Variants in CERS5 observed in about 807,000 individuals in gnomAD.
The protein encoded by CERS5 is ceramide synthase 5, also known as LAG1 homolog, ceramide synthase 5.
In CERS5, 37 loss-of-function variants were observed where a neutral mutation model predicts 58.9. That is an observed-to-expected ratio of 0.63 (90% CI 0.48 to 0.83). CERS5 has a LOEUF of 0.83. Ranked by LOEUF, CERS5 falls within the 40% of genes least tolerant of loss-of-function variation. CERS5 has a pLI of 0.00. For missense variants in CERS5, 398 were observed against 489.3 expected (o/e 0.81, Z 1.76); for synonymous variants, 147 against 177.8 (o/e 0.83, Z 1.38).
At chr12:50,133,267 A>G in intron 9 of CERS5, 1 of 1,108,588 alleles carries the variant, frequency 9.0e-7, no homozygotes, top group Non-Finnish European at 1.1e-6. Flanking sequence ...GGGATTCTGT[A>G]TTCCTTTAGG....
At chr12:50,158,269 C>T (rs1938881748) in intron 1 of CERS5, among the ~76,000 whole-genome samples, 3 of 152,204 alleles carry the variant, frequency 2.0e-5, no homozygotes, top group Admixed American at 6.5e-5. Flanking sequence ...GATAATTATA[C>T]AACTTAATGC....
chr12:50,133,041 T>A, intron 9 of CERS5: 1 of 1,289,028 alleles, frequency 7.8e-7, no homozygotes, highest in Non-Finnish European at 1.0e-6. Flanking sequence ...GAGTACAGGG[T>A]CTAATCCTTC....
Position 50,136,051 on chromosome 12 carries a change from C to A in CERS5, c.655G>T (p.Val219Leu). ...AGCCCAATGGTGACCAAGTGATGCA[C>A]AAACATGATCAGGAAGTCCTAGGAA... ...IKRKDFLIMFVHHLVTIGLIS... is the reference protein window; with the variant it reads ...IKRKDFLIMFLHHLVTIGLIS... The change falls in exon 7 of 10, where the codon GTG (valine) becomes TTG (leucine). Residue 219 changes from valine (V) to leucine (L), a missense_variant. By Grantham distance (32) the Val-to-Leu change is conservative. Transcript: ENST00000317551. 1 of 1,497,666 alleles carries A rather than the reference C, an allele frequency of 6.7e-7. No individual in the cohort carries two copies. Among genetic ancestry groups the A allele is most frequent in the Non-Finnish European group, 8.9e-7 (1 of 1,126,412 alleles). 92.8% of individuals were successfully genotyped at this position (1,497,666 alleles called of 1,614,324 possible).
intron 1 of CERS5, 129 bp downstream of exon 1, chr12:50,166,972 G>T: frequency 1.3e-6 from 1 of 751,774 alleles, no homozygotes; most frequent in African/African-American, 1.9e-5. Flanking sequence ...CACCCGCCGC[G>T]GCCCAAGCTC....
intron 1 of CERS5, among the ~76,000 whole-genome samples, chr12:50,156,863 G>A (rs924451675): frequency 6.6e-6 from 1 of 152,118 alleles, no homozygotes; most frequent in Non-Finnish European, 1.5e-5. Flanking sequence ...AGTGACATCA[G>A]CCCTGTGAAT....
chr12:50,130,480 C>A lies in CERS5; in HGVS notation c.*65G>T. On this transcript the variant is annotated 3_prime_UTR_variant, in exon 10 of 10. Transcript: ENST00000317551. The stretch of plus-strand genomic sequence containing the variant: ...ACAGAAGAGTAGATATGGGAAGGGC[C>A]AAGAGGAGTATGTTGCCAGTGGCCC... 1 of 1,426,958 alleles carries A rather than the reference C, an allele frequency of 7.0e-7. No individual in the cohort carries two copies. 88.4% of individuals were successfully genotyped at this position (1,426,958 alleles called of 1,614,324 possible).
At chr12:50,153,525 A>G (rs945212047) in intron 1 of CERS5, among the ~76,000 whole-genome samples, 3 of 151,230 alleles carry the variant, frequency 2.0e-5, no homozygotes, top group African/African-American at 4.9e-5. Context: ...TGATGCGCCC[A>G]CCTCGGCCTC....
chr12:50,143,745 C>A (rs904348408), intron 2 of CERS5: 1 of 492,096 alleles, frequency 2.0e-6, no homozygotes, highest in Non-Finnish European at 3.7e-6. Flanking sequence ...AAAACTCAAA[C>A]CTACTACGTA....
At chr12:50,133,115 C>CAAGA (rs1951429418) in intron 9 of CERS5, 1 of 1,277,594 alleles carries the variant, frequency 7.8e-7, no homozygotes, top group East Asian at 5.6e-5. Context: ...GTAGCTACAG[C>CAAGA]AAGATGCACA....
intron 1 of CERS5, among the ~76,000 whole-genome samples, chr12:50,151,669 T>C (rs1937974085): frequency 6.6e-6 from 1 of 152,202 alleles, no homozygotes; most frequent in Non-Finnish European, 1.5e-5. Flanking sequence ...AACACCCACT[T>C]TGAGATGGAG....
intron 9 of CERS5, among the ~76,000 whole-genome samples, chr12:50,131,593 A>G (rs944040924): frequency 6.7e-6 from 1 of 149,868 alleles, no homozygotes; most frequent in African/African-American, 2.5e-5. Flanking sequence ...AAAAAAAGAA[A>G]CTTCAGCATC....
chr12:50,156,438 A>ATATATATATAT (rs1555198356), intron 1 of CERS5, among the ~76,000 whole-genome samples: 32 of 123,256 alleles, frequency 2.6e-4, no homozygotes, highest in South Asian at 7.2e-4. Flanking sequence ...ATATATATAT[A>ATATATATATAT]AAACAATTAG....
rs76170751 is a variant in CERS5 at position 50,130,356 on chromosome 12, A to C, written c.*189T>G. On this transcript the variant is annotated 3_prime_UTR_variant, in exon 10 of 10. Transcript: ENST00000317551. The stretch of plus-strand genomic sequence containing the variant: ...ACACACAGAGCAAATAACATTACTG[A>C]AAGAACCTGGAGGCTATTAAATACA... The C allele has an allele frequency of 0.011, 5,289 of 480,918 alleles. 151 individuals are homozygous for C. Among genetic ancestry groups the C allele is most frequent in the Admixed American group, 0.07 (1,974 of 28,144 alleles). 29.8% of individuals were successfully genotyped at this position (480,918 alleles called of 1,614,324 possible).
chr12:50,159,177 C>T (rs746143290), intron 1 of CERS5, among the ~76,000 whole-genome samples: 1 of 151,908 alleles, frequency 6.6e-6, no homozygotes, highest in Non-Finnish European at 1.5e-5. Context: ...AAAAATTAGC[C>T]GGGTGTGGTG....
chr12:50,146,958 C>T (rs1952315949), intron 1 of CERS5, among the ~76,000 whole-genome samples: 1 of 150,974 alleles, frequency 6.6e-6, no homozygotes, highest in Non-Finnish European at 1.5e-5. Context: ...ATAATCTTTT[C>T]TAATTTGTGA....
At chr12:50,134,446 T>C (rs1951515948) in intron 9 of CERS5, 100 bp downstream of exon 9, 1 of 1,609,238 alleles carries the variant, frequency 6.2e-7, no homozygotes, top group East Asian at 2.2e-5. Context: ...CTTGGCCTGC[T>C]TGAGTAGATG....
Position 50,142,098 on chromosome 12 carries a change from T to G in CERS5, c.447A>C (p.Thr149=). 1 of 1,604,588 alleles carries G rather than the reference T, an allele frequency of 6.2e-7. No individual in the cohort carries two copies. The highest frequency in any genetic ancestry group is 8.5e-7 in the Non-Finnish European group (1 of 1,172,706). ...TKFCESMWRF[T]FYLCIFCYGI... is the part of the protein sequence containing the mutation. ...CATAGCAGAATATACATAAATAAAA[T>G]GTGAATCTCCACCTGGGTGGGCAAA... Residue 149 remains threonine (T), a synonymous_variant, in exon 4 of 10, where the codon ACA becomes ACC. Transcript: ENST00000317551.
intron 1 of CERS5, among the ~76,000 whole-genome samples, chr12:50,161,784 G>GAAGAAAAAAAAAAAAA (rs1939294125): frequency 1.1e-5 from 1 of 90,862 alleles, no homozygotes; most frequent in Non-Finnish European, 1.9e-5. Flanking sequence ...CTCAAAAAAA[G>GAAGAAAAAAAAAAAAA]AAAAAAAAAA....
At chr12:50,145,205 A>AT (rs1408200284) in intron 1 of CERS5, 1 of 151,486 alleles carries the variant, frequency 6.6e-6, no homozygotes. Flanking sequence ...GATTTCTAAG[A>AT]TTTTTTTGTA....
Sources: allele counts gnomAD v4.1 joint callset (sites outside exome capture counted in the v4.1 genomes callset), GRCh38; gene constraint gnomAD v4.1.1; transcripts MANE v1.5; gene names NCBI Gene and HGNC (gene_info 2026-07-23, HGNC 2026-07-21).